The following CFAP54 variants were observed in gnomAD, a reference collection of about 807,000 sequenced individuals.
The protein encoded by CFAP54 is cilia- and flagella-associated protein 54.
CFAP54 carries 290 observed loss-of-function variants against 370.4 expected under a neutral mutation model. That is an observed-to-expected ratio of 0.78 (90% confidence interval 0.71 to 0.86). The LOEUF is 0.86. Among genes scored for constraint, CFAP54 ranks in the 40% least tolerant of loss-of-function variants. CFAP54 has a pLI of 0.00. For missense variants in CFAP54, 3,399 were observed against 3,528.7 expected (o/e 0.96, Z 0.93); for synonymous variants, 1,206 against 1,236.5 (o/e 0.98, Z 0.52).
chr12:96,870,275 A>T (rs1176769054), intron 67 of CFAP54, among the ~76,000 whole-genome samples: 1 of 152,032 alleles, frequency 6.6e-6, no homozygotes, highest in Non-Finnish European at 1.5e-5. Context: ...AAAAAAAAAA[A>T]GAAAACAGAT....
At chr12:96,607,942 G>A (rs538112313) in intron 26 of CFAP54, among the ~76,000 whole-genome samples, 76 of 152,056 alleles carry the variant, frequency 5.0e-4, no homozygotes, top group African/African-American at 1.6e-3. Flanking sequence ...TCAGAAGTGC[G>A]GGCATTTAAA....
intron 50 of CFAP54, among the ~76,000 whole-genome samples, chr12:96,729,121 G>C (rs1399903111): frequency 1.3e-5 from 2 of 152,126 alleles, no homozygotes; most frequent in Non-Finnish European, 2.9e-5. Flanking sequence ...CTGCTCGGGG[G>C]TCAGGGGTCG....
At position 96,594,346 on chromosome 12, in the gene CFAP54, T is replaced by C. The variant is rs1239280243; in HGVS notation, c.3416T>C (p.Phe1139Ser). ...RVLVALELSN[F>S]LNDSSYALQA... ...TTAGTGGCATTGGAACTTAGCAACT[T>C]CCTAAATGATTCCAGCTATGCCCTT... Residue 1139 changes from phenylalanine (F) to serine (S), a missense_variant, in exon 25 of 68, where the codon TTC (phenylalanine) becomes TCC (serine). By Grantham distance (155) the Phe-to-Ser change is radical (BLOSUM62 -2). Transcript: ENST00000524981. The C allele has an allele frequency of 6.5e-7, 1 of 1,534,710 alleles. No homozygotes were observed. Among genetic ancestry groups the C allele is most frequent in the African/African-American group, 1.4e-5 (1 of 72,980 alleles).
intron 37 of CFAP54, 44 bp from the exon 38 acceptor site, chr12:96,658,167 T>C: frequency 6.3e-7 from 1 of 1,584,804 alleles, no homozygotes; most frequent in Non-Finnish European, 8.6e-7. Context: ...AAAAAGTCTT[T>C]TAACTAATGT....
chr12:96,598,570 T>C (rs1043059939), intron 25 of CFAP54, 75 bp from the exon 26 acceptor site: 1 of 461,212 alleles, frequency 2.2e-6, no homozygotes, highest in African/African-American at 2.0e-5. Flanking sequence ...TTGCATTATT[T>C]GAATGGAACA....
intron 32 of CFAP54, among the ~76,000 whole-genome samples, chr12:96,632,851 A>G (rs1956623065): frequency 6.6e-6 from 1 of 151,984 alleles, no homozygotes; most frequent in Admixed American, 6.5e-5. Flanking sequence ...TTATTTTTAC[A>G]CTGTTGTGTT....
In CFAP54 at chr12:96,580,625, A is replaced by G. The variant is rs780143603; in HGVS notation, c.2825A>G (p.Lys942Arg). The G allele has an allele frequency of 2.0e-6, 3 of 1,525,732 alleles. No individual in the cohort carries two copies. Among genetic ancestry groups the G allele is most frequent in the African/African-American group, 1.4e-5 (1 of 72,662 alleles). The allele number at this position is 1,525,732 out of a possible 1,614,324, so 94.5% of individuals were successfully genotyped here. The change falls in exon 21 of 68, where the codon AAA becomes AGA. Residue 942 changes from lysine to arginine, a missense_variant. Physicochemically the swap from Lys to Arg is conservative, Grantham distance 26. Transcript: ENST00000524981. ...TCCTGGTACTGCATTTTGGGTTGCAAAGCAGAAGGAAGTTATGGAAAAGTA... is the reference window on the plus strand; with the variant it reads ...TCCTGGTACTGCATTTTGGGTTGCAGAGCAGAAGGAAGTTATGGAAAAGTA... ...KVSWYCILGC[K>R]AEGSYGKVRL...
intron 39 of CFAP54, among the ~76,000 whole-genome samples, chr12:96,678,603 C>G (rs763647720): frequency 6.6e-6 from 1 of 152,130 alleles, no homozygotes; most frequent in South Asian, 2.1e-4. Flanking sequence ...TCTCTTTTGT[C>G]CTAATCAAGT....
chr12:96,699,855 C>G, intron 45 of CFAP54, 116 bp from the exon 46 acceptor site: 3 of 821,670 alleles, frequency 3.7e-6, no homozygotes, highest in Non-Finnish European at 5.7e-6. Flanking sequence ...TAATGCATTA[C>G]CAACATTAAG....
At chr12:96,685,305 C>T (rs1957315701) in intron 42 of CFAP54, 67 bp downstream of exon 42, 1 of 1,425,244 alleles carries the variant, frequency 7.0e-7, no homozygotes, top group Admixed American at 1.7e-5. Context: ...CCTCCTGTGC[C>T]ATACAAAGTG....
At chr12:96,767,257 A>G (rs181999836) in intron 60 of CFAP54, among the ~76,000 whole-genome samples, 64 of 152,334 alleles carry the variant, frequency 4.2e-4, no homozygotes, top group Middle Eastern at 3.4e-3. Context: ...GAACCTCTGT[A>G]TGATTCAGAG....
chr12:96,759,629 C>G (rs1440982475), intron 58 of CFAP54, among the ~76,000 whole-genome samples: 1 of 152,144 alleles, frequency 6.6e-6, no homozygotes, highest in Non-Finnish European at 1.5e-5. Flanking sequence ...ATTATAAGCC[C>G]TTAAAAGGAA....
intron 26 of CFAP54, among the ~76,000 whole-genome samples, chr12:96,606,696 T>TG (rs1207333913): frequency 1.3e-5 from 2 of 152,174 alleles, no homozygotes; most frequent in African/African-American, 4.8e-5. Flanking sequence ...TGGTAAAGGC[T>TG]GGAGGGGGTA....
intron 55 of CFAP54, among the ~76,000 whole-genome samples, chr12:96,744,377 C>T (rs1958087903): frequency 6.6e-6 from 1 of 152,134 alleles, no homozygotes; most frequent in African/African-American, 2.4e-5. Flanking sequence ...ATATAACATG[C>T]ATAACTGCTT....
At chr12:96,828,986 C>T in intron 65 of CFAP54, 28 bp from the exon 66 acceptor site, 1 of 1,198,916 alleles carries the variant, frequency 8.3e-7, no homozygotes. Flanking sequence ...ATATCAACCT[C>T]ACTGTATTAC....
At chr12:96,825,269 TAAC>T (rs55897406) in intron 65 of CFAP54, among the ~76,000 whole-genome samples, 41,235 of 126,202 alleles carry the variant, frequency 0.33, 7,299 homozygotes, top group South Asian at 0.53. Flanking sequence ...ATATATAATA[TAAC>T]ATGTTATATT....
At chr12:96,802,480 A>T (rs1958830588) in intron 63 of CFAP54, among the ~76,000 whole-genome samples, 1 of 152,008 alleles carries the variant, frequency 6.6e-6, no homozygotes, top group Admixed American at 6.6e-5. Flanking sequence ...GGACTAGTCC[A>T]CTCAATCCAT....
At chr12:96,572,820 A>G (rs1190702911) in intron 19 of CFAP54, 4 of 973,944 alleles carry the variant, frequency 4.1e-6, no homozygotes, top group Middle Eastern at 5.2e-4. Context: ...AATAAACTCC[A>G]TAGATGATAC....
At chr12:96,686,376 T>A (rs1024776337) in intron 42 of CFAP54, among the ~76,000 whole-genome samples, 2 of 152,208 alleles carry the variant, frequency 1.3e-5, no homozygotes, top group Admixed American at 1.3e-4. Context: ...TTACTGGGTA[T>A]GTTAGGCTGT....
Sources: allele counts gnomAD v4.1 joint callset (sites outside exome capture counted in the v4.1 genomes callset), GRCh38; gene constraint gnomAD v4.1.1; transcripts MANE v1.5; gene names NCBI Gene and HGNC (gene_info 2026-07-23, HGNC 2026-07-21).